FLNA: variants seen among roughly 807,000 people sequenced by gnomAD.
The protein encoded by FLNA is filamin-A.
In FLNA, 7 loss-of-function variants were observed where a neutral mutation model predicts 157.6. The observed-to-expected ratio is 0.04, with a 90% CI of 0.03 to 0.08. The LOEUF is 0.08. FLNA is among the 10% of genes least tolerant of loss of function. FLNA has a pLI of 1.00. For missense variants in FLNA, 1,750 were observed against 2,398.4 expected, an observed-to-expected ratio of 0.73 and a Z score of 5.65; for synonymous variants, 1,103 against 1,060.8, an observed-to-expected ratio of 1.04 and a Z score of -0.77.
chrX:154,360,631 G>C lies in FLNA; in HGVS notation c.3208-44C>G, dbSNP rs782700691. Reference sequence around the variant, plus strand: ...AGGAGCCAAGGCCACACTATGCCCCGATCCCAGACCTCCTGCTTGACTTTC... The same window carrying C: ...AGGAGCCAAGGCCACACTATGCCCCCATCCCAGACCTCCTGCTTGACTTTC... On this transcript the variant is annotated intron_variant, in intron 21 of 47. Transcript: ENST00000369850. 7 of 1,094,081 alleles carry C rather than the reference G, an allele frequency of 6.4e-6. No individual in the cohort carries two copies. The Admixed American group carries it at 7.0e-5, about 11-fold the overall frequency. The allele number at this position is 1,094,081 out of a possible 1,213,427, so 90.2% of individuals were successfully genotyped here. A position where few individuals can be genotyped will look rare whatever the true frequency, so the allele number is the denominator to read the frequency against.
chrX:154,353,530 G>C (rs782469397), intron 36 of FLNA, 24 bp downstream of exon 36: 2 of 1,211,237 alleles, frequency 1.7e-6, no homozygotes, highest in Non-Finnish European at 2.2e-6. Flanking sequence ...ACCCGTTTCT[G>C]TCACTGCTCC....
At chrX:154,370,549 C>T (rs1161591654) in intron 2 of FLNA, among the ~76,000 whole-genome samples, 1 of 113,011 alleles carries the variant, frequency 8.8e-6, no homozygotes, top group African/African-American at 3.2e-5. Flanking sequence ...GGCCAGGAGC[C>T]TGCCCAGTGC....
chrX:154,356,780 C>T (rs1192966699), intron 30 of FLNA, among the ~76,000 whole-genome samples: 2 of 112,725 alleles, frequency 1.8e-5, no homozygotes, highest in African/African-American at 6.5e-5. Context: ...CAGCCCCACC[C>T]GCTCATGCAC....
At position 154,366,873 on chromosome X, in the gene FLNA, C is replaced by G. The variant is rs188357092; in HGVS notation, c.869-23G>C. The G allele has an allele frequency of 4.3e-4, 487 of 1,144,142 alleles. No homozygotes were observed. The African/African-American group carries it at 7.6e-3, about 18-fold the overall frequency. The allele number at this position is 1,144,142 out of a possible 1,213,427, so 94.3% of individuals were successfully genotyped here. ...TGCCTGGCAGGGGAAGGCGAGCCAACCACGGGCCAGCTGTTAAGGCCACAG... is the reference window on the plus strand; with the variant it reads ...TGCCTGGCAGGGGAAGGCGAGCCAAGCACGGGCCAGCTGTTAAGGCCACAG... On this transcript the variant is annotated intron_variant, in intron 5 of 47. Coordinates refer to ENST00000369850, the MANE Select transcript of FLNA (RefSeq NM_001110556.2).
At chrX:154,365,584 A>C in intron 9 of FLNA, 98 bp from the exon 10 acceptor site, 1 of 1,013,276 alleles carries the variant, frequency 9.9e-7, no homozygotes, top group East Asian at 3.2e-5. Flanking sequence ...TGGGTCCCTC[A>C]GAGCTTGGCT....
chrX:154,358,640 G>A (rs1468026090), intron 26 of FLNA, 72 bp from the exon 27 acceptor site: 11 of 1,136,210 alleles, frequency 9.7e-6, no homozygotes, highest in Middle Eastern at 2.8e-4. Flanking sequence ...CACACTGGAC[G>A]GCCAGGACCC....
Position 154,348,789 on chromosome X carries a change from G to T in FLNA, c.*60C>A, listed in dbSNP as rs1603358201. 5.4e-6 allele frequency: 6 copies of T among 1,101,660 alleles called. No homozygotes were observed. The highest frequency in any genetic ancestry group is 3.0e-5 in the East Asian group (1 of 32,889). The allele number at this position is 1,101,660 out of a possible 1,213,427, so 90.8% of individuals were successfully genotyped here. A position where few individuals can be genotyped will look rare whatever the true frequency, so the allele number is the denominator to read the frequency against. Reference sequence around the variant, plus strand: ...CTGGGCCGGGGTTGAGGGGAAGAGGGCGGGGCTGCTTGGGTAGCGGGGCAG... The same window carrying T: ...CTGGGCCGGGGTTGAGGGGAAGAGGTCGGGGCTGCTTGGGTAGCGGGGCAG... On this transcript the variant is annotated 3_prime_UTR_variant, in exon 48 of 48. Transcript: ENST00000369850.
chrX:154,351,154 A>G (rs890607760), intron 43 of FLNA, 113 bp from the exon 44 acceptor site: 2 of 902,906 alleles, frequency 2.2e-6, no homozygotes, highest in Admixed American at 2.4e-5. Context: ...CTGGCGTCCA[A>G]CTTGGTTTAA....
intron 30 of FLNA, 119 bp from the exon 31 acceptor site, chrX:154,355,191 C>T (rs2067653636): frequency 3.8e-6 from 3 of 784,077 alleles, no homozygotes; most frequent in East Asian, 3.5e-5. Context: ...ACAGCCAGGC[C>T]GCCAGGCCTC....
intron 2 of FLNA, among the ~76,000 whole-genome samples, chrX:154,368,490 G>A (rs1474813036): frequency 8.9e-6 from 1 of 112,486 alleles, no homozygotes; most frequent in Non-Finnish European, 1.9e-5. Context: ...GAACCAGGAG[G>A]AGGAGGCTGA....
At chrX:154,361,951 C>T (rs367644603) in intron 19 of FLNA, 28 bp downstream of exon 19, 28 of 1,203,034 alleles carry the variant, frequency 2.3e-5, no homozygotes, top group South Asian at 2.1e-4. Context: ...GCTGGGGACT[C>T]GGTGACTGTA....
Position 154,353,704 on chromosome X carries a change from C to T in FLNA, c.5710G>A (p.Gly1904Ser), listed in dbSNP as rs782549964. ...CAGCTGATTTCTGCTTTGGACGGGC[C>T]CTCAATGGCCAGAGACAGGCCCCCT... ...GEGGLSLAIE[G>S]PSKAEISCTD... The change falls in exon 36 of 48, where the codon GGC becomes AGC. Residue 1904 changes from glycine (G) to serine (S), a missense_variant. Gly to Ser is a moderately conservative substitution (Grantham distance 56). Transcript: ENST00000369850. 131 of 1,209,602 alleles carry T rather than the reference C, an allele frequency of 1.1e-4. No individual in the cohort carries two copies. The highest frequency in any genetic ancestry group is 1.4e-4 in the Non-Finnish European group (127 of 894,751).
chrX:154,352,113 T>C, intron 41 of FLNA, 68 bp downstream of exon 41: 1 of 1,207,902 alleles, frequency 8.3e-7, no homozygotes, highest in Non-Finnish European at 1.1e-6. Flanking sequence ...TGCCGGCTCT[T>C]TCCTCCACCC....
At chrX:154,369,789 C>T (rs781804981) in intron 2 of FLNA, among the ~76,000 whole-genome samples, 1 of 111,835 alleles carries the variant, frequency 8.9e-6, no homozygotes, top group Non-Finnish European at 1.9e-5. Context: ...GCCTGCCCCT[C>T]GCCTCAACTG....
rs2070816 is a variant in FLNA, at chrX:154,367,050, T to C, written c.869-200A>G. ...GCTGGGACAGGCCCAGCCTGTTTTC[T>C]GGAACATTCATTCTCACCGCACTGG... On this transcript the variant is annotated intron_variant, in intron 5 of 47. Coordinates refer to ENST00000369850, the MANE Select transcript of FLNA (RefSeq NM_001110556.2). Among the ~76,000 whole-genome samples, 40,338 of 111,100 alleles carry C rather than the reference T, an allele frequency of 0.36. 7,492 individuals are homozygous for C. The highest frequency in any genetic ancestry group is 0.73 in the African/African-American group (22,091 of 30,377).
At chrX:154,353,794 G>A in intron 35 of FLNA, 67 bp from the exon 36 acceptor site, 3 of 1,190,784 alleles carry the variant, frequency 2.5e-6, no homozygotes, top group Non-Finnish European at 3.4e-6. Context: ...GCACTGAGGA[G>A]CTCCGATGGC....
At position 154,350,041 on chromosome X, in the gene FLNA, G is replaced by A. The variant is rs782468173; in HGVS notation, c.7323C>T (p.Gly2441=). ...CACCGACAGACTTACCTGTGACACC[G>A]CCTTCCAGACCTGCTCCGTAAGCAG... ...LVSAYGAGLE[G]GVTGNPAEFV... Residue 2441 remains glycine, a synonymous_variant, in exon 45 of 48, where the codon GGC becomes GGT. Transcript: ENST00000369850. The A allele has an allele frequency of 9.9e-6, 12 of 1,211,211 alleles. No homozygotes were observed. Among genetic ancestry groups the A allele is most frequent in the South Asian group, 5.3e-5 (3 of 57,018 alleles).
rs781944018 is a variant in FLNA, at chrX:154,361,991, C to T, written c.2814G>A (p.Thr938=). ...HHDNTYTVKY[T]PVQQGPVGVN... Reference sequence around the variant, plus strand: ...AGGGTGTGGCTACCTGCTGGACAGGCGTGTACTTGACTGTGTAGGTGTTGT... The same window carrying T: ...AGGGTGTGGCTACCTGCTGGACAGGTGTGTACTTGACTGTGTAGGTGTTGT... Residue 938 remains threonine (T), a synonymous_variant, in exon 19 of 48, where the codon ACG becomes ACA. Transcript: ENST00000369850. 1.1e-5 allele frequency: 13 copies of T among 1,208,236 alleles called. No homozygotes were observed. In the East Asian group the frequency reaches 2.4e-4, roughly 22 times the overall value.
Position 154,358,327 on chromosome X carries a change from G to A in FLNA, c.4627C>T (p.His1543Tyr). Residue 1543 changes from histidine to tyrosine, a missense_variant, in exon 28 of 48, where the codon CAT becomes TAT. Coordinates refer to ENST00000369850, the MANE Select transcript of FLNA (RefSeq NM_001110556.2). ...SPFKVKVLPT[H>Y]DASKVKASGP... is the part of the protein sequence containing the mutation. Reference sequence around the variant, plus strand: ...CTGGCCTTCACCTTGCTGGCATCATGAGTAGGCAGCACCTTGACCTTGAAG... The same window carrying A: ...CTGGCCTTCACCTTGCTGGCATCATAAGTAGGCAGCACCTTGACCTTGAAG... 1 of 1,211,515 alleles carries A rather than the reference G, an allele frequency of 8.3e-7. No homozygotes were observed. Among genetic ancestry groups the A allele is most frequent in the Non-Finnish European group, 1.1e-6 (1 of 895,473 alleles).
Sources: allele counts gnomAD v4.1 joint callset (sites outside exome capture counted in the v4.1 genomes callset), GRCh38; gene constraint gnomAD v4.1.1; transcripts MANE v1.5; gene names NCBI Gene and HGNC (gene_info 2026-07-23, HGNC 2026-07-21).